The following CDKAL1 variants were observed in gnomAD, a reference collection of about 807,000 sequenced individuals.
CDKAL1 encodes the protein CDKAL1 threonylcarbamoyladenosine tRNA methylthiotransferase.
CDKAL1 carries 32 observed loss-of-function variants against 68.2 expected under a neutral mutation model. The ratio of observed to expected loss-of-function variants is 0.47; its 90% confidence interval spans 0.35 to 0.63. The LOEUF (loss-of-function observed/expected upper bound fraction) is 0.63. Ranked by LOEUF, CDKAL1 falls within the 30% of genes least tolerant of loss-of-function variation. The pLI is 0.00. For synonymous variants in CDKAL1, 234 were observed against 244.3 expected, an observed-to-expected ratio of 0.96 and a Z score of 0.39; for missense variants, 606 against 696.7, an observed-to-expected ratio of 0.87 and a Z score of 1.47.
At chr6:21,045,194 G>T (rs940337484) in intron 11 of CDKAL1, among the ~76,000 whole-genome samples, 2 of 152,180 alleles carry the variant, frequency 1.3e-5, no homozygotes, top group African/African-American at 4.8e-5. Flanking sequence ...ACCTTCTTTG[G>T]GTTTTTATGG....
chr6:20,686,456 G>A (rs1020448733), intron 5 of CDKAL1, among the ~76,000 whole-genome samples: 1 of 152,188 alleles, frequency 6.6e-6, no homozygotes, highest in African/African-American at 2.4e-5. Context: ...TATCCAGGTT[G>A]CCTGATGATC....
intron 13 of CDKAL1, among the ~76,000 whole-genome samples, chr6:21,147,547 C>G (rs1776240225): frequency 2.6e-5 from 4 of 152,196 alleles, no homozygotes; most frequent in Admixed American, 2.6e-4. Context: ...TGATAGTGAT[C>G]AAAGCTGAGC....
At chr6:20,871,410 G>T (rs1033760240) in intron 9 of CDKAL1, among the ~76,000 whole-genome samples, 1 of 152,134 alleles carries the variant, frequency 6.6e-6, no homozygotes, top group African/African-American at 2.4e-5. Context: ...GCTATAACTT[G>T]TTGCCTACAT....
chr6:21,210,752 C>T (rs1214718536), intron 15 of CDKAL1, among the ~76,000 whole-genome samples: 1 of 152,132 alleles, frequency 6.6e-6, no homozygotes, highest in Non-Finnish European at 1.5e-5. Flanking sequence ...GGATTCTTTG[C>T]AGACAACAGA....
intron 13 of CDKAL1, among the ~76,000 whole-genome samples, chr6:21,125,600 G>A (rs879291028): frequency 7.2e-5 from 11 of 152,100 alleles, no homozygotes; most frequent in Non-Finnish European, 8.8e-5. Context: ...TGAACCCGGC[G>A]GGGGTGGGGC....
chr6:21,212,914 C>A (rs1779209650), intron 15 of CDKAL1, among the ~76,000 whole-genome samples: 1 of 152,004 alleles, frequency 6.6e-6, no homozygotes, highest in Admixed American at 6.6e-5. Context: ...GATAGGAAGC[C>A]AACCTAAAAA....
At chr6:20,666,342 T>C (rs1375091147) in intron 5 of CDKAL1, among the ~76,000 whole-genome samples, 5 of 152,062 alleles carry the variant, frequency 3.3e-5, no homozygotes, top group Non-Finnish European at 4.4e-5. Context: ...CTCTGATACA[T>C]TTCTGGTAGA....
intron 9 of CDKAL1, among the ~76,000 whole-genome samples, chr6:20,946,053 A>C (rs1561906302): frequency 6.6e-6 from 1 of 152,166 alleles, no homozygotes; most frequent in Non-Finnish European, 1.5e-5. Flanking sequence ...AGTTATTGAG[A>C]GCTTTCACTG....
rs1227187545 is a variant in CDKAL1 at position 20,797,492 on chromosome 6, G to A, written c.638+16227G>A. 4.6e-5 allele frequency among the ~76,000 whole-genome samples: 7 copies of A among 152,248 alleles called. No homozygotes were observed. In the South Asian group the frequency reaches 1.5e-3, roughly 32 times the overall value. On this transcript the variant is annotated intron_variant, in intron 8 of 15. Coordinates refer to ENST00000274695, the MANE Select transcript of CDKAL1 (RefSeq NM_017774.3). ...CATATGACGAACGTCCTACTTTTAG[G>A]TATGAGAAATGAAAACGTAAGTTCA...
intron 8 of CDKAL1, among the ~76,000 whole-genome samples, chr6:20,839,861 A>T (rs1778105980): frequency 6.6e-6 from 1 of 152,212 alleles, no homozygotes; most frequent in Admixed American, 6.5e-5. Flanking sequence ...TCTGTCCATT[A>T]TGAAATCACC....
chr6:20,870,157 TG>T (rs2150539495), intron 9 of CDKAL1, among the ~76,000 whole-genome samples: 1 of 152,322 alleles, frequency 6.6e-6, no homozygotes, highest in South Asian at 2.1e-4. Context: ...GAATGCTCCC[TG>T]TGATGCCCTT....
At chr6:20,805,755 C>G (rs943305885) in intron 8 of CDKAL1, among the ~76,000 whole-genome samples, 1 of 152,142 alleles carries the variant, frequency 6.6e-6, no homozygotes, top group Non-Finnish European at 1.5e-5. Context: ...ACTATAACCA[C>G]TGTAAGTTTC....
intron 5 of CDKAL1, among the ~76,000 whole-genome samples, chr6:20,712,900 A>T (rs1473603393): frequency 6.6e-6 from 1 of 152,166 alleles, no homozygotes; most frequent in African/African-American, 2.4e-5. Flanking sequence ...TCACCCTCCC[A>T]AAGTGCTGGG....
chr6:20,862,662 T>TGTGC lies in CDKAL1; in HGVS notation c.742+16485_742+16486insTGCG, dbSNP rs1554132203. On this transcript the variant is annotated intron_variant, in intron 9 of 15. Transcript: ENST00000274695. ...GTGTGTGTGTGTGTGTGTGTGTGTG[T>TGTGC]GCGCGCGTGCATGCGCGCGTGCGCA... 4.4e-3 allele frequency among the ~76,000 whole-genome samples: 583 copies of TGTGC among 133,878 alleles called. 16 individuals are homozygous for TGTGC. The highest frequency in any genetic ancestry group is 0.012 in the African/African-American group (444 of 38,398). The allele number at this position is 133,878 out of a possible 152,430, so 87.8% of individuals were successfully genotyped here.
intron 9 of CDKAL1, among the ~76,000 whole-genome samples, chr6:20,889,593 C>T (rs970499552): frequency 6.6e-6 from 1 of 151,950 alleles, no homozygotes. Context: ...TACATATGGC[C>T]AGCACCATTT....
chr6:21,044,785 ATGTCTCCG>A (rs77290812), intron 11 of CDKAL1, among the ~76,000 whole-genome samples: 24,566 of 152,034 alleles, frequency 0.16, 2,187 homozygotes, highest in Middle Eastern at 0.23. Context: ...GGTTGTTTTG[ATGTCTCCG>A]TGTCTTAATC....
At chr6:21,129,682 C>CAAAAAAAAAAAAAAAA (rs34802727) in intron 13 of CDKAL1, among the ~76,000 whole-genome samples, 2 of 69,016 alleles carry the variant, frequency 2.9e-5, no homozygotes, top group Non-Finnish European at 5.3e-5. Flanking sequence ...TGCAGTTTAC[C>CAAAAAAAAAAAAAAAA]AAAAAAAAAA....
chr6:21,181,274 A>G (rs1457625551), intron 13 of CDKAL1, among the ~76,000 whole-genome samples: 1 of 152,242 alleles, frequency 6.6e-6, no homozygotes, highest in Non-Finnish European at 1.5e-5. Context: ...AAATTTCAGC[A>G]TGAGTTTTGG....
intron 9 of CDKAL1, among the ~76,000 whole-genome samples, chr6:20,864,079 A>G (rs1050899933): frequency 6.6e-6 from 1 of 152,206 alleles, no homozygotes; most frequent in African/African-American, 2.4e-5. Flanking sequence ...AAGATTTTAA[A>G]ATAATTTCAC....
Sources: gnomAD v4.1 joint callset for allele counts (sites outside exome capture counted in the v4.1 genomes callset) on GRCh38, gnomAD v4.1.1 for gene constraint, MANE v1.5 for transcripts, NCBI Gene and HGNC (gene_info 2026-07-23, HGNC 2026-07-21) for gene names.